Variants in FCHSD2 observed in about 807,000 individuals in gnomAD.
FCHSD2 encodes the protein FCH and double SH3 domains 2.
In FCHSD2, 38 loss-of-function variants were observed where a neutral mutation model predicts 108.1. The observed-to-expected ratio is 0.35, with a 90% CI of 0.27 to 0.46. FCHSD2 has a LOEUF of 0.46. FCHSD2 is among the 20% of genes least tolerant of loss of function. The probability of loss-of-function intolerance (pLI) is 1.00; values close to 1 mark genes in which losing one functional copy is unlikely to be tolerated. For synonymous variants in FCHSD2, 279 were observed against 314.7 expected (o/e 0.89, Z 1.20); for missense variants, 751 against 897.8 (o/e 0.84, Z 2.09).
At chr11:73,050,933 A>T (rs967786911) in intron 3 of FCHSD2, among the ~76,000 whole-genome samples, 1 of 152,256 alleles carries the variant, frequency 6.6e-6, no homozygotes. Context: ...TTACTGATAC[A>T]TAACAGGCAA....
intron 5 of FCHSD2, among the ~76,000 whole-genome samples, chr11:72,991,360 T>G (rs1260986565): frequency 2.6e-5 from 4 of 152,226 alleles, no homozygotes; most frequent in Non-Finnish European, 2.9e-5. Flanking sequence ...TAACTCATTT[T>G]ATGAGGCCAG....
intron 5 of FCHSD2, among the ~76,000 whole-genome samples, chr11:72,998,408 G>T (rs1381880552): frequency 6.6e-6 from 1 of 152,098 alleles, no homozygotes; most frequent in African/African-American, 2.4e-5. Context: ...CAGGTGTGGT[G>T]GCACACGCCT....
chr11:72,940,013 C>A (rs1856383374), intron 8 of FCHSD2, among the ~76,000 whole-genome samples: 1 of 152,100 alleles, frequency 6.6e-6, no homozygotes, highest in Admixed American at 6.6e-5. Context: ...GCAAGAGCCC[C>A]TAGTGTTTTA....
intron 4 of FCHSD2, 65 bp downstream of exon 4, chr11:73,015,744 C>G (rs1408633325): frequency 1.1e-6 from 1 of 903,374 alleles, no homozygotes; most frequent in East Asian, 2.6e-5. Context: ...GTTACATTAT[C>G]TATATGTAAC....
chr11:73,080,330 A>G lies in FCHSD2; in HGVS notation c.165+3365T>C, dbSNP rs984343824. On this transcript the variant is annotated intron_variant, in intron 3 of 19. Coordinates refer to ENST00000409418, the MANE Select transcript of FCHSD2 (RefSeq NM_014824.3). ...AAAAAAAAAAAAAAAGAAAGAAAGAAAAGAAATTTTTCAAGGGTAAATTTG... is the reference window on the plus strand; with the variant it reads ...AAAAAAAAAAAAAAAGAAAGAAAGAGAAGAAATTTTTCAAGGGTAAATTTG... Among the ~76,000 whole-genome samples, 4 of 151,850 alleles carry G rather than the reference A, an allele frequency of 2.6e-5. 1 individual carries two copies. In the South Asian group the frequency reaches 6.2e-4, roughly 24 times the overall value.
chr11:73,126,394 ATACAGTAG>A (rs1200694712), intron 2 of FCHSD2, among the ~76,000 whole-genome samples: 2 of 150,406 alleles, frequency 1.3e-5, no homozygotes, highest in African/African-American at 4.9e-5. Flanking sequence ...AAAGAAAGGA[ATACAGTAG>A]TACATAAAGC....
chr11:72,846,960 TTTAA>T (rs1386857796), intron 14 of FCHSD2, among the ~76,000 whole-genome samples: 12 of 152,298 alleles, frequency 7.9e-5, no homozygotes, highest in Non-Finnish European at 1.0e-4. Context: ...GAATGTCTAG[TTTAA>T]TTATTCTCAT....
chr11:73,121,958 A>G (rs996968356), intron 2 of FCHSD2, among the ~76,000 whole-genome samples: 4 of 152,356 alleles, frequency 2.6e-5, no homozygotes, highest in East Asian at 1.9e-4. Flanking sequence ...GATAGTACTT[A>G]ACCTGAAAAG....
At chr11:72,873,520 A>G (rs977300293) in intron 12 of FCHSD2, among the ~76,000 whole-genome samples, 1 of 152,074 alleles carries the variant, frequency 6.6e-6, no homozygotes, top group Admixed American at 6.5e-5. Flanking sequence ...ATTTTCCCCC[A>G]TTCTGTGGGC....
chr11:72,892,056 CAAAG>C (rs1269906771), intron 10 of FCHSD2, among the ~76,000 whole-genome samples: 1 of 152,062 alleles, frequency 6.6e-6, no homozygotes, highest in Admixed American at 6.6e-5. Flanking sequence ...AGGCAGATCT[CAAAG>C]AGAATGAATT....
intron 8 of FCHSD2, among the ~76,000 whole-genome samples, chr11:72,945,529 A>G (rs1433451592): frequency 6.6e-6 from 1 of 152,214 alleles, no homozygotes; most frequent in East Asian, 1.9e-4. Flanking sequence ...CAATGGCAAC[A>G]AAAGCCAAAA....
intron 9 of FCHSD2, among the ~76,000 whole-genome samples, chr11:72,920,551 T>A (rs1050540928): frequency 6.6e-6 from 1 of 152,158 alleles, no homozygotes; most frequent in Non-Finnish European, 1.5e-5. Flanking sequence ...ACCAGCCTGA[T>A]CAACATGTTG....
intron 2 of FCHSD2, 120 bp from the exon 3 acceptor site, chr11:73,083,860 T>G (rs570031248): frequency 1.1e-5 from 8 of 696,160 alleles, no homozygotes; most frequent in African/African-American, 1.8e-5. Context: ...CAATATTTTA[T>G]TCATCTTTAT....
At chr11:72,956,573 C>T (rs915179682) in intron 8 of FCHSD2, among the ~76,000 whole-genome samples, 3 of 152,104 alleles carry the variant, frequency 2.0e-5, no homozygotes, top group Admixed American at 6.5e-5. Flanking sequence ...AAGATCAAGG[C>T]GCCAGCAGAT....
intron 8 of FCHSD2, among the ~76,000 whole-genome samples, chr11:72,924,067 CTT>C (rs1023151991): frequency 3.3e-5 from 5 of 151,276 alleles, no homozygotes; most frequent in Admixed American, 3.3e-4. Context: ...TGTGGGCTGT[CTT>C]TTCACTTTCT....
At chr11:72,848,611 T>C (rs148393710) in intron 14 of FCHSD2, among the ~76,000 whole-genome samples, 1 of 152,218 alleles carries the variant, frequency 6.6e-6, no homozygotes, top group Non-Finnish European at 1.5e-5. Flanking sequence ...CCCCAGTGTA[T>C]CACATATTGG....
chr11:73,043,703 G>A (rs1213017557), intron 3 of FCHSD2, among the ~76,000 whole-genome samples: 3 of 152,166 alleles, frequency 2.0e-5, no homozygotes, highest in Non-Finnish European at 4.4e-5. Flanking sequence ...ATGTGACTAT[G>A]TGACTGAGTT....
At chr11:73,066,185 A>G (rs1298569309) in intron 3 of FCHSD2, among the ~76,000 whole-genome samples, 1 of 152,234 alleles carries the variant, frequency 6.6e-6, no homozygotes, top group East Asian at 1.9e-4. Context: ...AGCCTCAGAA[A>G]TAACACCACA....
At chr11:72,949,118 T>C (rs1856575360) in intron 8 of FCHSD2, among the ~76,000 whole-genome samples, 1 of 152,062 alleles carries the variant, frequency 6.6e-6, no homozygotes, top group Non-Finnish European at 1.5e-5. Context: ...TGTGCAACCA[T>C]CACCATTACC....
Sources: allele counts gnomAD v4.1 joint callset (sites outside exome capture counted in the v4.1 genomes callset), GRCh38; gene constraint gnomAD v4.1.1; transcripts MANE v1.5; gene names NCBI Gene and HGNC (gene_info 2026-07-23, HGNC 2026-07-21).